Variants in ATP6V1B2 observed in about 807,000 individuals in gnomAD.
ATP6V1B2 encodes the protein ATPase H+ transporting V1 subunit B2.
Under a neutral mutation model 66.7 loss-of-function variants are expected in ATP6V1B2, and 23 were observed. The observed-to-expected ratio is 0.34, with a 90% CI of 0.25 to 0.49. The LOEUF (loss-of-function observed/expected upper bound fraction) is 0.49, where lower values mean the gene tolerates loss of function less well. Ranked by LOEUF, ATP6V1B2 falls within the 20% of genes least tolerant of loss-of-function variation. ATP6V1B2 has a pLI of 0.99. For synonymous variants in ATP6V1B2, 278 were observed against 236.7 expected, an observed-to-expected ratio of 1.17 and a Z score of -1.60; for missense variants, 478 against 650.8, an observed-to-expected ratio of 0.73 and a Z score of 2.89.
chr8:20,208,207 G>T (rs2072757242), intron 2 of ATP6V1B2, among the ~76,000 whole-genome samples: 1 of 152,184 alleles, frequency 6.6e-6, no homozygotes, highest in African/African-American at 2.4e-5. Flanking sequence ...ATGCTTGTAT[G>T]AGGAGCCCCA....
At position 20,214,769 on chromosome 8, in the gene ATP6V1B2, G is replaced by C. The variant is rs377650231; in HGVS notation, c.928-49G>C. ...GTTGAAACAAACATGTTGTAAGCAA[G>C]CTTGTTGTAATATCGTGCATGATAC... On this transcript the variant is annotated intron_variant, in intron 9 of 13. Transcript: ENST00000276390. 3.4e-5 allele frequency: 52 copies of C among 1,523,670 alleles called. No homozygotes were observed. The African/African-American group carries it at 7.1e-4, about 21-fold the overall frequency. 94.4% of individuals were successfully genotyped at this position (1,523,670 alleles called of 1,614,324 possible).
chr8:20,201,116 G>C (rs942863958), intron 1 of ATP6V1B2, among the ~76,000 whole-genome samples: 127 of 152,306 alleles, frequency 8.3e-4, no homozygotes, highest in African/African-American at 3.1e-3. Context: ...TGGCTCATAT[G>C]ATAGTTCAGA....
intron 11 of ATP6V1B2, 74 bp downstream of exon 11, chr8:20,216,569 T>C: frequency 2.2e-6 from 3 of 1,393,164 alleles, no homozygotes; most frequent in Non-Finnish European, 3.0e-6. Flanking sequence ...TGGATTTTGC[T>C]CTTAGGAATT....
chr8:20,203,664 C>G (rs759890907), intron 1 of ATP6V1B2, among the ~76,000 whole-genome samples: 1 of 152,126 alleles, frequency 6.6e-6, no homozygotes, highest in African/African-American at 2.4e-5. Flanking sequence ...GGTAGAATTA[C>G]TCTCCCCTGA....
Position 20,206,689 on chromosome 8 carries a change from C to G in ATP6V1B2, c.192+2150C>G, listed in dbSNP as rs552064694. 1.2e-4 allele frequency among the ~76,000 whole-genome samples: 18 copies of G among 152,182 alleles called. No homozygotes were observed. In the East Asian group the frequency reaches 3.3e-3, roughly 28 times the overall value. On this transcript the variant is annotated intron_variant, in intron 2 of 13. Transcript: ENST00000276390. ...TGACACATGGATGCATTCTTGCTGC[C>G]GAACCCAGAAACTCTCCAAACACCC... is the stretch of plus-strand genomic sequence containing the variant.
chr8:20,218,265 G>A lies in ATP6V1B2; in HGVS notation c.1379G>A (p.Arg460Lys), dbSNP rs781305658. 6.2e-7 allele frequency: 1 copy of A among 1,613,238 alleles called. No homozygotes were observed. Among genetic ancestry groups the A allele is most frequent in the Non-Finnish European group, 8.5e-7 (1 of 1,179,398 alleles). Residue 460 changes from arginine to lysine, a missense_variant, in exon 13 of 14, where the codon AGG becomes AAG. Physicochemically the swap from Arg to Lys is conservative, Grantham distance 26. Coordinates refer to ENST00000276390, the MANE Select transcript of ATP6V1B2 (RefSeq NM_001693.4). The stretch of plus-strand genomic sequence containing the variant: ...TTGGAATTTCTGCAGAAGTTTGAGA[G>A]GAACTTCATTGCTCAGGGTAAGATG... The part of the protein sequence containing the change: ...LYLEFLQKFE[R>K]NFIAQGPYEN...
At chr8:20,215,799 A>G (rs2128886457) in intron 10 of ATP6V1B2, 1 of 152,352 alleles carries the variant, frequency 6.6e-6, no homozygotes, top group African/African-American at 2.4e-5. Context: ...AGATTTGGAA[A>G]TGTGTTGCTT....
rs762101706 is a variant in ATP6V1B2 at position 20,217,294 on chromosome 8, G to A, written c.1236G>A (p.Arg412=). ...CTGCTATTGGAGAAGGGATGACCAG[G>A]AAGGATCATGCCGATGTATCTAACC... ...MKSAIGEGMT[R]KDHADVSNQL... is the part of the protein sequence containing the mutation. Residue 412 remains arginine, a synonymous_variant, in exon 12 of 14, where the codon AGG becomes AGA. Coordinates refer to ENST00000276390, the MANE Select transcript of ATP6V1B2 (RefSeq NM_001693.4). 2.5e-6 allele frequency: 4 copies of A among 1,612,698 alleles called. No individual in the cohort carries two copies. The South Asian group carries it at 3.3e-5, about 13-fold the overall frequency.
chr8:20,211,226 G>C lies in ATP6V1B2; in HGVS notation c.513G>C (p.Gln171His). Reference sequence around the variant, plus strand: ...GAATCTACCCAGAGGAAATGATTCAGACTGGCATTTCGGCCATCGATGGGA... The same window carrying C: ...GAATCTACCCAGAGGAAATGATTCACACTGGCATTTCGGCCATCGATGGGA... Reference protein sequence around the residue: ...QCRIYPEEMIQTGISAIDGMN... With the variant: ...QCRIYPEEMIHTGISAIDGMN... Residue 171 changes from glutamine to histidine, a missense_variant, in exon 6 of 14, where the codon CAG becomes CAC. Gln to His is a conservative substitution (Grantham distance 24). Coordinates refer to ENST00000276390, the MANE Select transcript of ATP6V1B2 (RefSeq NM_001693.4). 6.2e-7 allele frequency: 1 copy of C among 1,613,288 alleles called. No individual in the cohort carries two copies. Among genetic ancestry groups the C allele is most frequent in the Non-Finnish European group, 8.5e-7 (1 of 1,179,750 alleles).
chr8:20,200,503 T>C lies in ATP6V1B2; in HGVS notation c.136+2961T>C, dbSNP rs140146014. On this transcript the variant is annotated intron_variant, in intron 1 of 13. Transcript: ENST00000276390. ...TTCCACTGTACAAATTAGATCCTTT[T>C]AAAAAATAGCTTCAAGATTATAGGA... Among the ~76,000 whole-genome samples the C allele has an allele frequency of 6.6e-5, 10 of 152,336 alleles. No individual in the cohort carries two copies. The East Asian group carries it at 1.9e-3, about 29-fold the overall frequency.
At chr8:20,206,602 G>A (rs1295293551) in intron 2 of ATP6V1B2, among the ~76,000 whole-genome samples, 1 of 152,136 alleles carries the variant, frequency 6.6e-6, no homozygotes, top group Non-Finnish European at 1.5e-5. Flanking sequence ...ATAGAGTGAG[G>A]CCCTGAAGAG....
At chr8:20,205,434 G>A (rs1010345662) in intron 2 of ATP6V1B2, among the ~76,000 whole-genome samples, 8 of 152,096 alleles carry the variant, frequency 5.3e-5, no homozygotes, top group East Asian at 1.9e-4. Context: ...ATTGGTACGC[G>A]CTGTGAAGAG....
intron 1 of ATP6V1B2, among the ~76,000 whole-genome samples, chr8:20,199,762 C>T (rs1175598677): frequency 1.3e-5 from 2 of 151,898 alleles, no homozygotes; most frequent in Non-Finnish European, 2.9e-5. Flanking sequence ...GGGCGCACGC[C>T]GCCATGCCCG....
chr8:20,205,703 C>A (rs1255604114), intron 2 of ATP6V1B2, among the ~76,000 whole-genome samples: 1 of 152,074 alleles, frequency 6.6e-6, no homozygotes, highest in Non-Finnish European at 1.5e-5. Context: ...TAATCTCAGG[C>A]AAATTATATC....
intron 3 of ATP6V1B2, among the ~76,000 whole-genome samples, chr8:20,210,070 A>G (rs2072777801): frequency 6.8e-6 from 1 of 147,856 alleles, no homozygotes; most frequent in South Asian, 2.1e-4. Flanking sequence ...AAAAATATAT[A>G]TATATATAAA....
intron 2 of ATP6V1B2, among the ~76,000 whole-genome samples, chr8:20,206,020 A>G (rs2072735262): frequency 6.6e-6 from 1 of 152,202 alleles, no homozygotes; most frequent in Non-Finnish European, 1.5e-5. Flanking sequence ...GAAATTACTC[A>G]TTTTTTAAAA....
At chr8:20,216,907 A>G (rs190200413) in intron 11 of ATP6V1B2, 1 of 301,864 alleles carries the variant, frequency 3.3e-6, no homozygotes, top group Admixed American at 4.6e-5. Context: ...GTCAGTTCAG[A>G]AGACCATTTT....
At chr8:20,220,158 T>TC in intron 13 of ATP6V1B2, 105 bp from the exon 14 acceptor site, 4 of 1,334,160 alleles carry the variant, frequency 3.0e-6, no homozygotes, top group Non-Finnish European at 4.0e-6. Context: ...CTTTTTTTTT[T>TC]CAATATCTAT....
chr8:20,218,384 T>C, intron 13 of ATP6V1B2, 102 bp downstream of exon 13: 1 of 1,459,200 alleles, frequency 6.9e-7, no homozygotes, highest in Admixed American at 2.2e-5. Context: ...ATATAGTTAT[T>C]TCTCTGGTTA....
Sources: gnomAD v4.1 joint callset for allele counts (sites outside exome capture counted in the v4.1 genomes callset) on GRCh38, gnomAD v4.1.1 for gene constraint, MANE v1.5 for transcripts, NCBI Gene and HGNC (gene_info 2026-07-23, HGNC 2026-07-21) for gene names.